The following CFAP299 variants were observed in gnomAD, a reference collection of about 807,000 sequenced individuals.
The protein encoded by CFAP299 is cilia- and flagella-associated protein 299.
A neutral mutation model predicts 27.0 loss-of-function variants in CFAP299; 21 were observed. The observed-to-expected ratio is 0.78, with a 90% CI of 0.55 to 1.12. CFAP299 has a LOEUF of 1.12. Ranked by LOEUF, CFAP299 falls within the 50% of genes most tolerant of loss-of-function variation. The pLI is 0.00. For synonymous variants in CFAP299, 104 were observed against 98.1 expected (o/e 1.06, Z -0.36); for missense variants, 310 against 276.6 (o/e 1.12, Z -0.86).
chr4:80,888,710 A>G (rs1184734947), intron 4 of CFAP299, among the ~76,000 whole-genome samples: 1 of 152,016 alleles, frequency 6.6e-6, no homozygotes, highest in Non-Finnish European at 1.5e-5. Context: ...AGAATAGACC[A>G]TATGTTAGGT....
At chr4:80,918,681 A>G (rs2110209287) in intron 4 of CFAP299, among the ~76,000 whole-genome samples, 1 of 152,262 alleles carries the variant, frequency 6.6e-6, no homozygotes, top group South Asian at 2.1e-4. Flanking sequence ...GTTGCCGATC[A>G]TATCTCTTCC....
chr4:80,624,423 G>A (rs1409010773), intron 3 of CFAP299, among the ~76,000 whole-genome samples: 4 of 150,450 alleles, frequency 2.7e-5, no homozygotes, highest in African/African-American at 4.9e-5. Flanking sequence ...AACTGAAGGG[G>A]GATTATTTAA....
Position 80,618,359 on chromosome 4 carries a change from C to G in CFAP299, c.333+35176C>G, listed in dbSNP as rs911006259. On this transcript the variant is annotated intron_variant, in intron 3 of 5. Coordinates refer to ENST00000358105, the MANE Select transcript of CFAP299 (RefSeq NM_152770.3). ...TGAGCATGTGAGTAAGGAGAGTAAACAGTTTTTCTCAAACAATGAATACTA... is the reference window on the plus strand; with the variant it reads ...TGAGCATGTGAGTAAGGAGAGTAAAGAGTTTTTCTCAAACAATGAATACTA... Among the ~76,000 whole-genome samples the G allele has an allele frequency of 1.6e-4, 24 of 152,168 alleles. 1 individual carries two copies. The highest frequency in any genetic ancestry group is 5.8e-4 in the African/African-American group (24 of 41,532).
At chr4:80,361,142 C>T (rs1367731730) in intron 1 of CFAP299, among the ~76,000 whole-genome samples, 2 of 152,162 alleles carry the variant, frequency 1.3e-5, no homozygotes, top group East Asian at 1.9e-4. Context: ...CAATCAATAT[C>T]GACTTTCAGT....
chr4:80,550,966 TA>T (rs1276358191), intron 2 of CFAP299, among the ~76,000 whole-genome samples: 2 of 152,064 alleles, frequency 1.3e-5, no homozygotes, highest in African/African-American at 4.8e-5. Context: ...TAAAGAAACT[TA>T]AAAAAATATA....
intron 1 of CFAP299, among the ~76,000 whole-genome samples, chr4:80,356,484 G>A (rs546556984): frequency 6.6e-5 from 10 of 152,024 alleles, no homozygotes; most frequent in Middle Eastern, 3.4e-3. Flanking sequence ...GTGTTTTTCC[G>A]TCTGCTTGTG....
chr4:80,661,210 C>T (rs2109981535), intron 3 of CFAP299, among the ~76,000 whole-genome samples: 1 of 151,750 alleles, frequency 6.6e-6, no homozygotes, highest in South Asian at 2.1e-4. Context: ...CCTGTTGTCC[C>T]AGCTACTCAG....
chr4:80,799,627 T>A (rs1180016083), intron 3 of CFAP299, among the ~76,000 whole-genome samples: 14 of 44,172 alleles, frequency 3.2e-4, no homozygotes, highest in African/African-American at 1.2e-3. Flanking sequence ...TATTTATAAA[T>A]ATATAATATA....
intron 2 of CFAP299, chr4:80,386,112 C>T (rs531094739): frequency 2.3e-5 from 11 of 473,638 alleles, no homozygotes; most frequent in East Asian, 1.2e-4. Context: ...CTCCAGTCTG[C>T]CCCCAGGGAG....
At chr4:80,872,827 T>G in intron 4 of CFAP299, 6 of 868,462 alleles carry the variant, frequency 6.9e-6, no homozygotes, top group Non-Finnish European at 8.3e-6. Context: ...TCTTGCAAAT[T>G]ATAAGATTCG....
chr4:80,923,472 G>T (rs762127057), intron 4 of CFAP299, among the ~76,000 whole-genome samples: 2 of 152,004 alleles, frequency 1.3e-5, no homozygotes, highest in Non-Finnish European at 2.9e-5. Context: ...ACAAGGAAAA[G>T]TATTCTCAAA....
chr4:80,328,057 G>C, the CFAP299 span, among the ~76,000 whole-genome samples: 1 of 151,940 alleles, frequency 6.6e-6, no homozygotes, highest in Non-Finnish European at 1.5e-5. Flanking sequence ...TTGAAAACAA[G>C]AAAGTAATTG....
intron 3 of CFAP299, among the ~76,000 whole-genome samples, chr4:80,773,729 G>A (rs1726357635): frequency 3.9e-5 from 6 of 152,010 alleles, no homozygotes; most frequent in Admixed American, 3.9e-4. Flanking sequence ...CTTGATGTTT[G>A]GTTTTAGAAT....
At chr4:80,642,076 T>C (rs969164686) in intron 3 of CFAP299, among the ~76,000 whole-genome samples, 3 of 152,188 alleles carry the variant, frequency 2.0e-5, no homozygotes, top group African/African-American at 7.2e-5. Context: ...TAAAGGCCAG[T>C]CTGAGGAGTT....
Position 80,554,338 on chromosome 4 carries a change from G to A in CFAP299, c.243-28755G>A, listed in dbSNP as rs193156980. Among the ~76,000 whole-genome samples the A allele has an allele frequency of 2.6e-5, 4 of 151,996 alleles. No individual in the cohort carries two copies. The East Asian group carries it at 7.7e-4, about 29-fold the overall frequency. ...ATTTCTGTGTTATCTATTGTGTTCCGTTAGTTTATGTGCCTGTTTTTTCTA... is the reference window on the plus strand; with the variant it reads ...ATTTCTGTGTTATCTATTGTGTTCCATTAGTTTATGTGCCTGTTTTTTCTA... On this transcript the variant is annotated intron_variant, in intron 2 of 5. Coordinates refer to ENST00000358105, the MANE Select transcript of CFAP299 (RefSeq NM_152770.3).
intron 3 of CFAP299, among the ~76,000 whole-genome samples, chr4:80,852,796 C>T (rs376319431): frequency 6.6e-6 from 1 of 152,116 alleles, no homozygotes; most frequent in Non-Finnish European, 1.5e-5. Context: ...AGTTCTCTTT[C>T]TAATATTCAG....
intron 3 of CFAP299, among the ~76,000 whole-genome samples, chr4:80,816,785 AG>A (rs764459886): frequency 1.3e-5 from 2 of 152,108 alleles, no homozygotes; most frequent in Non-Finnish European, 2.9e-5. Flanking sequence ...CCACACTGGA[AG>A]AAGAATTGTC....
chr4:80,455,955 A>C (rs746490272), intron 2 of CFAP299, among the ~76,000 whole-genome samples: 17 of 152,218 alleles, frequency 1.1e-4, no homozygotes, highest in Non-Finnish European at 2.1e-4. Context: ...AAGAAATAAA[A>C]AAAAAGATAT....
At chr4:80,898,062 C>T (rs1029890918) in intron 4 of CFAP299, among the ~76,000 whole-genome samples, 6 of 152,152 alleles carry the variant, frequency 3.9e-5, no homozygotes, top group African/African-American at 1.4e-4. Context: ...CCCTGAAGCT[C>T]CAGAGGAAGT....
Sources: allele counts gnomAD v4.1 joint callset (sites outside exome capture counted in the v4.1 genomes callset), GRCh38; gene constraint gnomAD v4.1.1; transcripts MANE v1.5; gene names NCBI Gene and HGNC (gene_info 2026-07-23, HGNC 2026-07-21).